The following TAF3 variants were observed in gnomAD, a reference collection of about 807,000 sequenced individuals.
The protein encoded by TAF3 is transcription initiation factor TFIID subunit 3.
Under a neutral mutation model 80.6 loss-of-function variants are expected in TAF3, and 7 were observed. The observed-to-expected ratio is 0.09, with a 90% CI of 0.05 to 0.16. The LOEUF is 0.16. Among genes scored for constraint, TAF3 ranks in the 10% least tolerant of loss-of-function variants. The pLI is 1.00. For synonymous variants in TAF3, 444 were observed against 446.1 expected (o/e 1.00, Z 0.06); for missense variants, 921 against 1,140.2 (o/e 0.81, Z 2.77).
rs867862022 is a variant in TAF3 at position 7,881,271 on chromosome 10, C to T, written c.409+56711C>T. On this transcript the variant is annotated intron_variant, in intron 2 of 6. Transcript: ENST00000344293. ...AAAAAACAAAAAAAAAACCCACAAG[C>T]TCTTTTAATATACTGTTTTCCCACC... Among the ~76,000 whole-genome samples the T allele has an allele frequency of 3.6e-4, 55 of 151,630 alleles. 1 individual carries two copies. Among genetic ancestry groups the T allele is most frequent in the South Asian group, 1.0e-3 (5 of 4,790 alleles).
intron 2 of TAF3, among the ~76,000 whole-genome samples, chr10:7,843,385 A>C (rs998460375): frequency 1.3e-5 from 2 of 151,986 alleles, no homozygotes; most frequent in African/African-American, 2.4e-5. Flanking sequence ...GTGGAATAAC[A>C]GGCATGAGCC....
At chr10:7,833,512 T>C (rs569617108) in intron 2 of TAF3, 1 of 152,512 alleles carries the variant, frequency 6.6e-6, no homozygotes, top group East Asian at 1.9e-4. Context: ...GGAATGTCTA[T>C]TCATTTTTTA....
At chr10:7,979,144 A>G (rs1244792436) in intron 4 of TAF3, among the ~76,000 whole-genome samples, 1 of 152,052 alleles carries the variant, frequency 6.6e-6, no homozygotes, top group African/African-American at 2.4e-5. Flanking sequence ...GGAGATCGAG[A>G]CCATCCTGTC....
At chr10:7,829,894 C>G (rs1306038802) in intron 2 of TAF3, among the ~76,000 whole-genome samples, 2 of 152,162 alleles carry the variant, frequency 1.3e-5, no homozygotes, top group African/African-American at 4.8e-5. Context: ...TCTTTCCCCA[C>G]TAAGATTTCT....
rs199956734 is a variant in TAF3, at chr10:7,926,265, C to CT, written c.410-37646dup. ...TTGGTTCATATTTTAATATATCAAA[C>CT]TTTTTTTTTATTACGCCAAGGAAGA... On this transcript the variant is annotated intron_variant, in intron 2 of 6. Transcript: ENST00000344293. Among the ~76,000 whole-genome samples the CT allele has an allele frequency of 3.8e-3, 580 of 151,620 alleles. 4 individuals are homozygous for CT. The highest frequency in any genetic ancestry group is 0.02 in the South Asian group (95 of 4,790).
chr10:7,967,650 T>G (rs1049054109), intron 3 of TAF3, among the ~76,000 whole-genome samples: 2 of 152,220 alleles, frequency 1.3e-5, no homozygotes, highest in Non-Finnish European at 2.9e-5. Flanking sequence ...AGATCCTGAC[T>G]TTTGTAAAAT....
intron 4 of TAF3, among the ~76,000 whole-genome samples, chr10:7,998,222 C>T (rs1273956619): frequency 2.8e-5 from 4 of 142,362 alleles, no homozygotes; most frequent in African/African-American, 1.0e-4. Flanking sequence ...TTTTACTACT[C>T]AGAAAATCTG....
intron 2 of TAF3, among the ~76,000 whole-genome samples, chr10:7,954,024 T>C (rs1838110001): frequency 7.1e-6 from 1 of 140,292 alleles, no homozygotes; most frequent in Admixed American, 7.2e-5. Context: ...GAGCTCTCCA[T>C]AGTGAGATTC....
intron 2 of TAF3, among the ~76,000 whole-genome samples, chr10:7,838,745 G>A (rs896299730): frequency 1.3e-5 from 2 of 151,962 alleles, no homozygotes; most frequent in East Asian, 1.9e-4. Context: ...AACATCCGAC[G>A]CTATAAGCCT....
At position 7,964,554 on chromosome 10, in the gene TAF3, C is replaced by G. The variant is rs1254672996; in HGVS notation, c.1044C>G (p.Leu348=). ...ETPNRTPSAT[L]SEKISKETIQ... is the part of the protein sequence containing the mutation. The stretch of plus-strand genomic sequence containing the variant: ...CCAACAGGACTCCTTCAGCTACACT[C>G]AGTGAAAAAATCAGTAAAGAGACTA... Residue 348 remains leucine, a synonymous_variant, in exon 3 of 7, where the codon CTC becomes CTG. Coordinates refer to ENST00000344293, the MANE Select transcript of TAF3 (RefSeq NM_031923.4). This position sits in a 1 kb window ranked among gnomAD's most constrained non-coding sequence, Gnocchi z 4.1. 1 of 1,613,768 alleles carries G rather than the reference C, an allele frequency of 6.2e-7. No individual in the cohort carries two copies. Among genetic ancestry groups the G allele is most frequent in the Non-Finnish European group, 8.5e-7 (1 of 1,179,930 alleles).
At chr10:7,859,454 G>A (rs977744891) in intron 2 of TAF3, among the ~76,000 whole-genome samples, 3 of 152,110 alleles carry the variant, frequency 2.0e-5, no homozygotes, top group South Asian at 4.2e-4. Flanking sequence ...ATTCCAGATT[G>A]GGGGAGAATA....
chr10:7,983,468 G>A (rs1213521090), intron 4 of TAF3, among the ~76,000 whole-genome samples: 1 of 152,144 alleles, frequency 6.6e-6, no homozygotes, highest in Non-Finnish European at 1.5e-5. Context: ...TGTAACGTTT[G>A]GGAACATTTC....
At chr10:7,878,518 G>A (rs1039766632) in intron 2 of TAF3, among the ~76,000 whole-genome samples, 1 of 152,018 alleles carries the variant, frequency 6.6e-6, no homozygotes, top group Non-Finnish European at 1.5e-5. Flanking sequence ...TTCAGCTTGT[G>A]GAAAGTCATC....
chr10:8,002,743 T>C (rs541878844), intron 4 of TAF3, among the ~76,000 whole-genome samples: 6 of 152,346 alleles, frequency 3.9e-5, no homozygotes, highest in African/African-American at 1.4e-4. Flanking sequence ...TGCTGGTTTT[T>C]TGACTGCTTA....
At chr10:7,885,197 A>T (rs61603836) in intron 2 of TAF3, among the ~76,000 whole-genome samples, 3,267 of 151,928 alleles carry the variant, frequency 0.022, 121 homozygotes, top group African/African-American at 0.074. Context: ...AAGCCACTGA[A>T]TTGCATACTT....
intron 2 of TAF3, among the ~76,000 whole-genome samples, chr10:7,845,824 C>A (rs912799519): frequency 6.6e-6 from 1 of 152,128 alleles, no homozygotes; most frequent in Non-Finnish European, 1.5e-5. Flanking sequence ...GCTTTCTTGA[C>A]ATTTCAGATT....
chr10:7,822,480 T>G (rs1481733683), intron 1 of TAF3, among the ~76,000 whole-genome samples: 2 of 135,848 alleles, frequency 1.5e-5, no homozygotes, highest in Non-Finnish European at 3.3e-5. Context: ...AAGTAACCCA[T>G]ACTTATAGAA....
intron 2 of TAF3, among the ~76,000 whole-genome samples, chr10:7,936,070 T>A (rs1329027790): frequency 6.6e-6 from 1 of 152,060 alleles, no homozygotes; most frequent in Non-Finnish European, 1.5e-5. Flanking sequence ...CTAGTGTGAT[T>A]GTATCGTAAA....
chr10:7,986,282 C>A (rs887306287), intron 4 of TAF3, among the ~76,000 whole-genome samples: 2 of 152,176 alleles, frequency 1.3e-5, no homozygotes, highest in Non-Finnish European at 2.9e-5. Flanking sequence ...AAGAGTCAGA[C>A]TAATCTGCCA....
Sources: allele counts gnomAD v4.1 joint callset (sites outside exome capture counted in the v4.1 genomes callset), GRCh38; gene constraint gnomAD v4.1.1; non-coding constraint Gnocchi (gnomAD v3.1); transcripts MANE v1.5; gene names NCBI Gene and HGNC (gene_info 2026-07-23, HGNC 2026-07-21).